ADGRB1: variants seen among roughly 807,000 people sequenced by gnomAD.
ADGRB1 encodes adhesion G protein-coupled receptor B1.
Under a neutral mutation model 175.7 loss-of-function variants are expected in ADGRB1, and 36 were observed. The ratio of observed to expected loss-of-function variants is 0.20; its 90% CI spans 0.16 to 0.27. ADGRB1 has a LOEUF of 0.27. Among genes scored for constraint, ADGRB1 ranks in the 10% least tolerant of loss-of-function variants. ADGRB1 has a pLI of 1.00. For missense variants in ADGRB1, 1,731 were observed against 2,255.3 expected (o/e 0.77, Z 4.71); for synonymous variants, 1,054 against 979.4 (o/e 1.08, Z -1.42).
chr8:142,489,027 T>C lies in ADGRB1; in HGVS notation c.2453-8T>C. The C allele has an allele frequency of 6.2e-7, 1 of 1,611,412 alleles. No homozygotes were observed. The highest frequency in any genetic ancestry group is 8.5e-7 in the Non-Finnish European group (1 of 1,179,420). The stretch of plus-strand genomic sequence containing the variant: ...GCGGGCCGGGGTTGACAGTGCACTT[T>C]CTTCCAGAGGCCGATGAAGCATCCG... On this transcript the variant is annotated splice_region_variant and splice_polypyrimidine_tract_variant and intron_variant, in intron 14 of 30. Coordinates refer to ENST00000517894, the MANE Select transcript of ADGRB1 (RefSeq NM_001702.3).
intron 26 of ADGRB1, 128 bp from the exon 27 acceptor site, chr8:142,539,246 C>G: frequency 1.1e-6 from 1 of 932,638 alleles, no homozygotes; most frequent in Non-Finnish European, 1.6e-6. Context: ...GGGCACTGGG[C>G]TGTGGACATG....
intron 20 of ADGRB1, among the ~76,000 whole-genome samples, chr8:142,521,476 C>G (rs1202593041): frequency 1.3e-5 from 2 of 152,222 alleles, no homozygotes; most frequent in Non-Finnish European, 2.9e-5. Context: ...AGGGGCCACG[C>G]TGACAATCTA....
chr8:142,477,139 C>T lies in ADGRB1; in HGVS notation c.1083C>T (p.Ser361=). 6.3e-7 allele frequency: 1 copy of T among 1,587,444 alleles called. No homozygotes were observed. The highest frequency in any genetic ancestry group is 1.7e-5 in the Admixed American group (1 of 59,174). Residue 361 remains serine (S), a synonymous_variant, in exon 5 of 31, where the codon TCC becomes TCT. Coordinates refer to ENST00000517894, the MANE Select transcript of ADGRB1 (RefSeq NM_001702.3). The part of the protein sequence containing the change: ...QTGDPAAEEW[S]PWSVCSSTCG... ...GTGACCCAGCAGCCGAGGAGTGGTC[C>T]CCGTGGAGCGTGTGCTCCAGCACCT...
At chr8:142,465,235 T>C (rs1175058477) in intron 2 of ADGRB1, among the ~76,000 whole-genome samples, 4 of 151,842 alleles carry the variant, frequency 2.6e-5, no homozygotes, top group Non-Finnish European at 5.9e-5. Context: ...AGAGTAAGAG[T>C]GAAGGTCACT....
intron 2 of ADGRB1, among the ~76,000 whole-genome samples, chr8:142,465,983 G>A (rs535916224): frequency 1.8e-4 from 28 of 152,338 alleles, no homozygotes; most frequent in African/African-American, 6.7e-4. Context: ...AGAGCCCTGT[G>A]GAGGCCCCGT....
Position 142,493,130 on chromosome 8 carries a change from T to C in ADGRB1, c.2675+2315T>C, listed in dbSNP as rs1175249239. Among the ~76,000 whole-genome samples, 1 of 151,886 alleles carries C rather than the reference T, an allele frequency of 6.6e-6. No homozygotes were observed. Among genetic ancestry groups the C allele is most frequent in the Non-Finnish European group, 1.5e-5 (1 of 67,932 alleles). ...TTGTCAGGTGGAGGGTGTGGGCCCCTGGGGGGCCTGCAGAGTAAATTGCTT... is the reference window on the plus strand; with the variant it reads ...TTGTCAGGTGGAGGGTGTGGGCCCCCGGGGGGCCTGCAGAGTAAATTGCTT... On this transcript the variant is annotated intron_variant, in intron 17 of 30. Transcript: ENST00000517894. The surrounding 1 kb of genome is among the most constrained non-coding windows in gnomAD (Gnocchi z 5.0).
In ADGRB1 at chr8:142,464,066, T is replaced by TC; in HGVS notation, c.-130dup. The TC allele has an allele frequency of 1.4e-6, 1 of 707,148 alleles. No individual in the cohort carries two copies. 43.8% of individuals were successfully genotyped at this position (707,148 alleles called of 1,614,324 possible). ...CTCTGTCACCTGAAGCGGGGCCCTC[T>TC]CCCATCCCACCCTTGCCCCGCCTCC... On this transcript the variant is annotated 5_prime_UTR_variant, in exon 2 of 31. Coordinates refer to ENST00000517894, the MANE Select transcript of ADGRB1 (RefSeq NM_001702.3).
intron 17 of ADGRB1, among the ~76,000 whole-genome samples, chr8:142,497,123 C>T (rs1418175656): frequency 1.3e-5 from 2 of 152,248 alleles, no homozygotes; most frequent in Admixed American, 6.5e-5. Context: ...ACCGATTTTA[C>T]AGCTGAGGAG....
In ADGRB1 at chr8:142,492,840, G is replaced by A. The variant is rs892607260; in HGVS notation, c.2675+2025G>A. Among the ~76,000 whole-genome samples, 1 of 152,136 alleles carries A rather than the reference G, an allele frequency of 6.6e-6. No homozygotes were observed. Among genetic ancestry groups the A allele is most frequent in the Non-Finnish European group, 1.5e-5 (1 of 67,998 alleles). ...TTCAGGGGGTGGCAGTGCGGGGGCT[G>A]CAGGTGGGTCTCTCACCCCCACAGC... On this transcript the variant is annotated intron_variant, in intron 17 of 30. Coordinates refer to ENST00000517894, the MANE Select transcript of ADGRB1 (RefSeq NM_001702.3). The surrounding 1 kb of genome is among the most constrained non-coding windows in gnomAD (Gnocchi z 4.4).
intron 19 of ADGRB1, among the ~76,000 whole-genome samples, chr8:142,518,870 C>T (rs571370222): frequency 5.9e-5 from 9 of 152,342 alleles, no homozygotes; most frequent in Admixed American, 2.0e-4. Flanking sequence ...CCCATGGGGC[C>T]GAGTGGGGAC....
intron 24 of ADGRB1, 108 bp from the exon 25 acceptor site, chr8:142,533,187 G>T: frequency 8.1e-7 from 1 of 1,241,900 alleles, no homozygotes; most frequent in Non-Finnish European, 1.1e-6. Flanking sequence ...AGACAGAGAC[G>T]GGGACTTAGG....
At chr8:142,466,579 C>G (rs570666802) in intron 2 of ADGRB1, among the ~76,000 whole-genome samples, 1 of 152,200 alleles carries the variant, frequency 6.6e-6, no homozygotes, top group Non-Finnish European at 1.5e-5. Flanking sequence ...ACCTCAGCTG[C>G]GTCAGGTGCC....
At chr8:142,536,889 G>C in intron 25 of ADGRB1, 98 bp from the exon 26 acceptor site, 12 of 1,055,350 alleles carry the variant, frequency 1.1e-5, no homozygotes, top group Non-Finnish European at 1.6e-5. Flanking sequence ...GCCCTTCCCC[G>C]AGACGCCCGC....
At chr8:142,526,710 C>T in intron 24 of ADGRB1, 83 bp downstream of exon 24, 1 of 1,357,698 alleles carries the variant, frequency 7.4e-7, no homozygotes, top group South Asian at 1.2e-5. Flanking sequence ...GGAGAACGCT[C>T]CATGCCCAAT....
In ADGRB1 at chr8:142,484,643, C is replaced by G. The variant is rs537664418; in HGVS notation, c.2200-13C>G. 1.9e-6 allele frequency: 3 copies of G among 1,603,208 alleles called. No individual in the cohort carries two copies. The East Asian group carries it at 6.7e-5, about 36-fold the overall frequency. ...GGCCTCCTCCCTCGGCTGCTCACCCCCCTGCCCTCCAGGCGGGCCCCAACG... is the reference window on the plus strand; with the variant it reads ...GGCCTCCTCCCTCGGCTGCTCACCCGCCTGCCCTCCAGGCGGGCCCCAACG... On this transcript the variant is annotated splice_polypyrimidine_tract_variant and intron_variant, in intron 12 of 30. Coordinates refer to ENST00000517894, the MANE Select transcript of ADGRB1 (RefSeq NM_001702.3).
chr8:142,542,290 G>A lies in ADGRB1; in HGVS notation c.4056G>A (p.Thr1352=), dbSNP rs374067402. ...DTSYVILPTA[T]ATLRPKPKEE... ...GCTACGTGATCCTGCCCACGGCCAC[G>A]GCCACGCTGCGGCCCAAGCCCAAGG... The change falls in exon 28 of 31, where the codon ACG becomes ACA. Residue 1352 remains threonine (T), a synonymous_variant. Transcript: ENST00000517894. This position sits in a 1 kb window ranked among gnomAD's most constrained non-coding sequence, Gnocchi z 6.3. The A allele has an allele frequency of 8.7e-6, 14 of 1,613,288 alleles. No individual in the cohort carries two copies. The highest frequency in any genetic ancestry group is 3.3e-5 in the South Asian group (3 of 91,082).
At chr8:142,531,376 C>T (rs191576583) in intron 24 of ADGRB1, among the ~76,000 whole-genome samples, 4 of 152,328 alleles carry the variant, frequency 2.6e-5, no homozygotes, top group Admixed American at 2.0e-4. Context: ...GGGCCCTGTC[C>T]GCTGCTGCAG....
At chr8:142,470,062 G>A (rs1587274133) in intron 2 of ADGRB1, among the ~76,000 whole-genome samples, 1 of 152,262 alleles carries the variant, frequency 6.6e-6, no homozygotes, top group Non-Finnish European at 1.5e-5. Flanking sequence ...CCTGCCCCCC[G>A]CACGGCCTGT....
Position 142,464,505 on chromosome 8 carries a change from C to A in ADGRB1, c.307C>A (p.Gln103Lys). 1 of 1,579,952 alleles carries A rather than the reference C, an allele frequency of 6.3e-7. No individual in the cohort carries two copies. The highest frequency in any genetic ancestry group is 8.6e-7 in the Non-Finnish European group (1 of 1,166,748). Residue 103 changes from glutamine (Q) to lysine (K), a missense_variant, in exon 2 of 31, where the codon CAG becomes AAG. Physicochemically the swap from Gln to Lys is moderately conservative, Grantham distance 53. This residue lies in a region of ADGRB1 where 383 missense variants were observed against 383.1 expected (regional missense o/e 1.00). Coordinates refer to ENST00000517894, the MANE Select transcript of ADGRB1 (RefSeq NM_001702.3). ...CGGCCCCGGCCGCGTGCGCACCTAC[C>A]AGTTCGACTCCTTCCTCGAGTCCAC... is the stretch of plus-strand genomic sequence containing the variant. ...CSGPGRVRTY[Q>K]FDSFLESTRT... is the part of the protein sequence containing the mutation.
Sources: allele counts gnomAD v4.1 joint callset (sites outside exome capture counted in the v4.1 genomes callset), GRCh38; gene constraint gnomAD v4.1.1; regional missense constraint gnomAD v4.1.1; non-coding constraint Gnocchi (gnomAD v3.1); transcripts MANE v1.5; gene names NCBI Gene and HGNC (gene_info 2026-07-23, HGNC 2026-07-21).